The following UBR4 variants were observed in gnomAD, a reference collection of about 807,000 sequenced individuals.
UBR4 encodes E3 ubiquitin-protein ligase UBR4.
In UBR4, 124 loss-of-function variants were observed where a neutral mutation model predicts 575.6. The observed-to-expected ratio is 0.22, with a 90% confidence interval of 0.19 to 0.25. The LOEUF (loss-of-function observed/expected upper bound fraction) is 0.25. Among genes scored for constraint, UBR4 ranks in the 10% least tolerant of loss-of-function variants. The pLI is 1.00. For synonymous variants in UBR4, 2,455 were observed against 2,473.7 expected, an observed-to-expected ratio of 0.99 and a Z score of 0.22; for missense variants, 4,818 against 6,478.8, an observed-to-expected ratio of 0.74 and a Z score of 8.80.
In UBR4 at chr1:19,127,753, C is replaced by T. The variant is rs1034170536; in HGVS notation, c.9112-14G>A. The T allele has an allele frequency of 6.8e-6, 11 of 1,609,334 alleles. No individual in the cohort carries two copies. The highest frequency in any genetic ancestry group is 3.3e-5 in the Admixed American group (2 of 59,990). On this transcript the variant is annotated splice_polypyrimidine_tract_variant and intron_variant, in intron 62 of 105. Coordinates refer to ENST00000375254, the MANE Select transcript of UBR4 (RefSeq NM_020765.3). ...CTTGGAGACATCCTGCAGGCCAAAG[C>T]GTAAGTCCAGAAACCTCTACTTACT...
intron 1 of UBR4, among the ~76,000 whole-genome samples, chr1:19,206,683 TAAA>T (rs1358792007): frequency 6.6e-6 from 1 of 152,214 alleles, no homozygotes; most frequent in Non-Finnish European, 1.5e-5. Context: ...CCTTTACTAC[TAAA>T]AGACATGCTA....
intron 17 of UBR4, among the ~76,000 whole-genome samples, chr1:19,180,811 T>C (rs2090870047): frequency 6.6e-6 from 1 of 152,080 alleles, no homozygotes; most frequent in Admixed American, 6.6e-5. Context: ...TCCACCCCTA[T>C]CCTTCCTTCT....
chr1:19,178,316 G>GCCAA (rs1038096676), intron 18 of UBR4, among the ~76,000 whole-genome samples: 1 of 152,206 alleles, frequency 6.6e-6, no homozygotes, highest in Admixed American at 6.5e-5. Flanking sequence ...AATGAATGTA[G>GCCAA]CCAACTGTTT....
intron 8 of UBR4, among the ~76,000 whole-genome samples, chr1:19,194,411 C>A (rs989258089): frequency 7.2e-5 from 11 of 152,078 alleles, no homozygotes; most frequent in Non-Finnish European, 1.2e-4. Flanking sequence ...TCATTTGCAC[C>A]CAGGGGTTTG....
Position 19,162,608 on chromosome 1 carries a change from C to A in UBR4, c.4768G>T (p.Val1590Leu), listed in dbSNP as rs775642173. 2.5e-6 allele frequency: 4 copies of A among 1,611,846 alleles called. No homozygotes were observed. Among genetic ancestry groups the A allele is most frequent in the Non-Finnish European group, 3.4e-6 (4 of 1,178,982 alleles). The change falls in exon 35 of 106, where the codon GTG (valine) becomes TTG (leucine). Residue 1590 changes from valine (V) to leucine (L), a missense_variant. Coordinates refer to ENST00000375254, the MANE Select transcript of UBR4 (RefSeq NM_020765.3). Reference protein sequence around the residue: ...LNANVMHGKHVMILECTCHIM... With the variant: ...LNANVMHGKHLMILECTCHIM... Reference sequence around the variant, plus strand: ...TGGCATGTGCACTCCAAGATCATCACATGCTGTAAGAGAAGCCCCACAGCA... The same window carrying A: ...TGGCATGTGCACTCCAAGATCATCAAATGCTGTAAGAGAAGCCCCACAGCA...
In UBR4 at chr1:19,110,338, C is replaced by T. The variant is rs777181091; in HGVS notation, c.11977+42G>A. ...CCTCCCAGTCCGGCCAGGACTGCTC[C>T]TTTGAGCCTCCTTTCCTTTCTCTGA... On this transcript the variant is annotated intron_variant, in intron 80 of 105. Coordinates refer to ENST00000375254, the MANE Select transcript of UBR4 (RefSeq NM_020765.3). This position sits in a 1 kb window ranked among gnomAD's most constrained non-coding sequence, Gnocchi z 4.5. The T allele has an allele frequency of 2.5e-6, 4 of 1,613,652 alleles. No individual in the cohort carries two copies. In the South Asian group the frequency reaches 3.3e-5, roughly 13 times the overall value.
At chr1:19,114,353 CCTT>C (rs1037289350) in intron 75 of UBR4, among the ~76,000 whole-genome samples, 5 of 152,170 alleles carry the variant, frequency 3.3e-5, no homozygotes, top group South Asian at 2.1e-4. Context: ...GAATTTCTGT[CCTT>C]CTGACTCCAA....
At chr1:19,164,590 T>C (rs1571324363) in intron 32 of UBR4, 149 bp from the exon 33 acceptor site, 7 of 1,147,144 alleles carry the variant, frequency 6.1e-6, no homozygotes, top group Non-Finnish European at 8.6e-6. Flanking sequence ...AAAACATTCA[T>C]TCAGGTTGTA....
At position 19,129,070 on chromosome 1, in the gene UBR4, G is replaced by A; in HGVS notation, c.8911C>T (p.His2971Tyr). Residue 2971 changes from histidine (H) to tyrosine (Y), a missense_variant, in exon 61 of 106, where the codon CAC becomes TAC. Coordinates refer to ENST00000375254, the MANE Select transcript of UBR4 (RefSeq NM_020765.3). ...TCCAACAGCATTAGACGGACCATGT[G>A]CAGCCTAAAAGGGTGGGGAAAAGAT... ...EGDVHTSNRL[H>Y]MVRLMLLERL... The A allele has an allele frequency of 1.9e-6, 3 of 1,613,944 alleles. No individual in the cohort carries two copies. Among genetic ancestry groups the A allele is most frequent in the East Asian group, 2.2e-5 (1 of 44,868 alleles).
At chr1:19,111,437 T>C (rs2079860804) in intron 78 of UBR4, among the ~76,000 whole-genome samples, 1 of 152,146 alleles carries the variant, frequency 6.6e-6, no homozygotes, top group Non-Finnish European at 1.5e-5. Context: ...ACGGGTTCCT[T>C]GTGATGCCCT....
In UBR4 at chr1:19,173,368, C is replaced by T. The variant is rs1328267117; in HGVS notation, c.3166-62G>A. ...CTATAGGCAAAGCTTTCATTATCTTCAAATTTAAAAGCTCCAGTAAGCACA... is the reference window on the plus strand; with the variant it reads ...CTATAGGCAAAGCTTTCATTATCTTTAAATTTAAAAGCTCCAGTAAGCACA... On this transcript the variant is annotated intron_variant, in intron 23 of 105. Transcript: ENST00000375254. The T allele has an allele frequency of 1.6e-5, 26 of 1,610,942 alleles. No homozygotes were observed. In the Admixed American group the frequency reaches 4.0e-4, roughly 25 times the overall value.
intron 101 of UBR4, 117 bp from the exon 102 acceptor site, chr1:19,084,815 C>A: frequency 1.0e-6 from 1 of 989,886 alleles, no homozygotes; most frequent in Non-Finnish European, 1.4e-6. Context: ...GGTTTGCAAA[C>A]GGAGACAAGA....
chr1:19,138,283 A>C, intron 59 of UBR4, 102 bp from the exon 60 acceptor site: 3 of 1,219,282 alleles, frequency 2.5e-6, no homozygotes, highest in Non-Finnish European at 3.2e-6. Flanking sequence ...AACTGACAGC[A>C]TTAGACAATA....
intron 17 of UBR4, among the ~76,000 whole-genome samples, chr1:19,180,199 T>TA (rs1008127665): frequency 4.9e-4 from 75 of 152,162 alleles, no homozygotes; most frequent in Admixed American, 3.5e-3. Context: ...TTTATTTATT[T>TA]TTTTTTTGAG....
chr1:19,198,147 C>A, intron 5 of UBR4, 98 bp from the exon 6 acceptor site: 2 of 1,193,156 alleles, frequency 1.7e-6, no homozygotes, highest in East Asian at 2.4e-5. Flanking sequence ...TCCAGACTCC[C>A]CAGTTAGTGA....
At chr1:19,092,068 C>T (rs2077567886) in intron 97 of UBR4, among the ~76,000 whole-genome samples, 1 of 151,842 alleles carries the variant, frequency 6.6e-6, no homozygotes, top group Admixed American at 6.6e-5. Flanking sequence ...AAATGGAGAA[C>T]ACATCGGTGG....
chr1:19,195,781 T>C (rs2092412116), intron 8 of UBR4, among the ~76,000 whole-genome samples: 1 of 152,148 alleles, frequency 6.6e-6, no homozygotes, highest in Non-Finnish European at 1.5e-5. Context: ...CAAAATACCT[T>C]GTACAGTACA....
intron 22 of UBR4, among the ~76,000 whole-genome samples, 190 bp from the exon 23 acceptor site, chr1:19,173,811 C>T (rs2089912417): frequency 1.3e-5 from 2 of 152,192 alleles, no homozygotes; most frequent in Admixed American, 6.5e-5. Context: ...AATGGCAGAA[C>T]ACACATACAA....
rs1359288170 is a variant in UBR4 at position 19,138,102 on chromosome 1, A to C, written c.8811T>G (p.Thr2937=). 1 of 1,599,412 alleles carries C rather than the reference A, an allele frequency of 6.3e-7. No individual in the cohort carries two copies. Among genetic ancestry groups the C allele is most frequent in the Admixed American group, 1.7e-5 (1 of 58,482 alleles). ...GCCCAGTGGTGGTGCTGATGGCTCC[A>C]GTGCTTGAGCTGACACTTCCTGGTC... is the stretch of plus-strand genomic sequence containing the variant. The part of the protein sequence containing the change: ...PAGPGSVSSS[T]GAISTTTGHQ... The change falls in exon 60 of 106, where the codon ACT becomes ACG. Residue 2937 remains threonine, a synonymous_variant. Coordinates refer to ENST00000375254, the MANE Select transcript of UBR4 (RefSeq NM_020765.3).
Sources: allele counts gnomAD v4.1 joint callset (sites outside exome capture counted in the v4.1 genomes callset), GRCh38; gene constraint gnomAD v4.1.1; non-coding constraint Gnocchi (gnomAD v3.1); transcripts MANE v1.5; gene names NCBI Gene and HGNC (gene_info 2026-07-23, HGNC 2026-07-21).